Variants in ZNF670 observed in about 807,000 individuals in gnomAD.
The protein encoded by ZNF670 is zinc finger protein 670.
ZNF670 carries 7 observed loss-of-function variants against 10.9 expected under a neutral mutation model. The observed-to-expected ratio is 0.64, with a 90% CI of 0.36 to 1.20. ZNF670 has a LOEUF of 1.20. Ranked by LOEUF, ZNF670 falls within the 50% of genes most tolerant of loss-of-function variation. The pLI is 0.02. For synonymous variants in ZNF670, 136 were observed against 152.7 expected, an observed-to-expected ratio of 0.89 and a Z score of 0.81; for missense variants, 446 against 458.6, an observed-to-expected ratio of 0.97 and a Z score of 0.25.
chr1:247,049,884 A>AGT (rs773319508), intron 1 of ZNF670, among the ~76,000 whole-genome samples: 1 of 152,154 alleles, frequency 6.6e-6, no homozygotes, highest in Non-Finnish European at 1.5e-5. Context: ...GTGGTCTAAG[A>AGT]GTGTACTTGA....
At chr1:247,051,604 T>C (rs1410105454) in intron 1 of ZNF670, among the ~76,000 whole-genome samples, 1 of 152,204 alleles carries the variant, frequency 6.6e-6, no homozygotes, top group East Asian at 1.9e-4. Context: ...GATTATCTTT[T>C]TGTGATACAT....
intron 1 of ZNF670, among the ~76,000 whole-genome samples, chr1:247,073,661 A>G (rs1671188788): frequency 6.6e-6 from 1 of 152,188 alleles, no homozygotes; most frequent in Non-Finnish European, 1.5e-5. Context: ...TTTGCTGAAC[A>G]CCAACCAATT....
Position 247,078,750 on chromosome 1 carries a change from C to A in ZNF670, c.-154G>T. 1.3e-6 allele frequency: 1 copy of A among 793,732 alleles called. No individual in the cohort carries two copies. The highest frequency in any genetic ancestry group is 2.0e-6 in the Non-Finnish European group (1 of 500,252). The allele number at this position is 793,732 out of a possible 1,614,324, so 49.2% of individuals were successfully genotyped here. On this transcript the variant is annotated 5_prime_UTR_variant, in exon 1 of 4. Coordinates refer to ENST00000366503, the MANE Select transcript of ZNF670 (RefSeq NM_033213.5). Reference sequence around the variant, plus strand: ...CCGAGCTCGCCACATTCGCGCTGCCCAACACAAAAGCCGCGCCAGGTCCCG... The same window carrying A: ...CCGAGCTCGCCACATTCGCGCTGCCAAACACAAAAGCCGCGCCAGGTCCCG...
At chr1:247,074,792 T>A (rs1671215465) in intron 1 of ZNF670, among the ~76,000 whole-genome samples, 1 of 150,352 alleles carries the variant, frequency 6.7e-6, no homozygotes, top group Non-Finnish European at 1.5e-5. Context: ...GTGGTAATGT[T>A]CACTCACCTG....
Position 247,037,274 on chromosome 1 carries a change from T to C in ZNF670, c.*175A>G, listed in dbSNP as rs1962278. 0.025 allele frequency: 17,911 copies of C among 710,300 alleles called. 299 individuals are homozygous for C. The highest frequency in any genetic ancestry group is 0.03 in the Non-Finnish European group (14,107 of 477,730). 44.0% of individuals were successfully genotyped at this position (710,300 alleles called of 1,614,324 possible). A position where few individuals can be genotyped will look rare whatever the true frequency, so the allele number is the denominator to read the frequency against. Reference sequence around the variant, plus strand: ...GACGTTCTTTCCCAGGACGGGTCCTTCTAAGTTTTAGAAGGGAACTAGGAA... The same window carrying C: ...GACGTTCTTTCCCAGGACGGGTCCTCCTAAGTTTTAGAAGGGAACTAGGAA... On this transcript the variant is annotated 3_prime_UTR_variant, in exon 4 of 4. Transcript: ENST00000366503.
chr1:247,045,391 T>C (rs914714238), intron 1 of ZNF670, among the ~76,000 whole-genome samples: 42 of 152,136 alleles, frequency 2.8e-4, no homozygotes, highest in Admixed American at 2.6e-3. Flanking sequence ...CATAAATGAC[T>C]CAGTGCTGTC....
At chr1:247,043,864 G>GATGCCATTTTCACTA (rs1670377146) in intron 1 of ZNF670, 1 of 331,606 alleles carries the variant, frequency 3.0e-6, no homozygotes, top group Non-Finnish European at 5.8e-6. Context: ...CACTAATGAA[G>GATGCCATTTTCACTA]AGGAAAAAAG....
chr1:247,077,415 A>C (rs768237795), intron 1 of ZNF670, among the ~76,000 whole-genome samples: 6 of 152,238 alleles, frequency 3.9e-5, no homozygotes, highest in Non-Finnish European at 5.9e-5. Flanking sequence ...ATCACCCTCT[A>C]AAGTTTCCAA....
chr1:247,050,001 A>G (rs571739376), intron 1 of ZNF670, among the ~76,000 whole-genome samples: 76 of 152,294 alleles, frequency 5.0e-4, no homozygotes, highest in Non-Finnish European at 8.2e-4. Context: ...ATACACTGCA[A>G]TTGTTGAGTA....
chr1:247,038,571 A>ATCTTAC, intron 3 of ZNF670, 144 bp from the exon 4 acceptor site: 1 of 839,042 alleles, frequency 1.2e-6, no homozygotes. Flanking sequence ...GGTCCCCCAT[A>ATCTTAC]GCTATTATCA....
chr1:247,049,206 C>T (rs1431559680), intron 1 of ZNF670, among the ~76,000 whole-genome samples: 8 of 151,230 alleles, frequency 5.3e-5, no homozygotes, highest in African/African-American at 1.9e-4. Context: ...TAAGTGATTC[C>T]CCTGCCTCAG....
rs927735921 is a variant in ZNF670 at position 247,053,508 on chromosome 1, C to T, written c.4-13971G>A. On this transcript the variant is annotated intron_variant, in intron 1 of 3. Transcript: ENST00000366503. The stretch of plus-strand genomic sequence containing the variant: ...AAAATTAGCCGGGCATGGTGGCAGG[C>T]GCCTGTAGTCCCAGCTACTCAGGAC... 5.9e-5 allele frequency among the ~76,000 whole-genome samples: 9 copies of T among 152,054 alleles called. 1 individual carries two copies. Among genetic ancestry groups the T allele is most frequent in the South Asian group, 2.1e-4 (1 of 4,814 alleles).
intron 1 of ZNF670, among the ~76,000 whole-genome samples, chr1:247,045,400 T>C (rs967680512): frequency 8.5e-5 from 13 of 152,158 alleles, no homozygotes; most frequent in Admixed American, 6.5e-4. Context: ...CTCAGTGCTG[T>C]CCTTGAAGTA....
Position 247,038,317 on chromosome 1 carries a change from T to G in ZNF670, c.302A>C (p.Lys101Thr). The change falls in exon 4 of 4, where the codon AAG becomes ACG. Residue 101 changes from lysine (K) to threonine (T), a missense_variant. Transcript: ENST00000366503. ...NLNKKVSTGV[K>T]PCECSVCGKV... ...TCCACACACACTGCATTCACATGGC[T>G]TTACTCCAGTAGAAACTTTCTTATT... is the stretch of plus-strand genomic sequence containing the variant. 1 of 1,614,218 alleles carries G rather than the reference T, an allele frequency of 6.2e-7. No homozygotes were observed. The highest frequency in any genetic ancestry group is 8.5e-7 in the Non-Finnish European group (1 of 1,180,022).
chr1:247,041,183 T>G (rs1010660508), intron 1 of ZNF670, among the ~76,000 whole-genome samples: 1 of 152,108 alleles, frequency 6.6e-6, no homozygotes, highest in Admixed American at 6.6e-5. Context: ...TAAAATACGT[T>G]CAGACTTCGA....
intron 1 of ZNF670, among the ~76,000 whole-genome samples, chr1:247,066,937 A>G (rs1670993710): frequency 6.6e-6 from 1 of 152,172 alleles, no homozygotes; most frequent in Admixed American, 6.5e-5. Flanking sequence ...TATGACCTGG[A>G]AGCCCCCACT....
intron 1 of ZNF670, among the ~76,000 whole-genome samples, chr1:247,072,838 A>G (rs1572574473): frequency 9.5e-6 from 1 of 105,614 alleles, no homozygotes; most frequent in Non-Finnish European, 1.8e-5. Flanking sequence ...ATATATATAT[A>G]TGCATACACA....
chr1:247,072,148 C>T (rs1312945118), intron 1 of ZNF670, among the ~76,000 whole-genome samples: 5 of 149,968 alleles, frequency 3.3e-5, no homozygotes, highest in East Asian at 2.0e-4. Context: ...TCAGCCACTG[C>T]GCCCAGCCAC....
At chr1:247,077,852 G>C (rs965461545) in intron 1 of ZNF670, among the ~76,000 whole-genome samples, 2 of 152,144 alleles carry the variant, frequency 1.3e-5, no homozygotes, top group Non-Finnish European at 2.9e-5. Flanking sequence ...GAGGTGGGGG[G>C]ATCGCTTGAG....
Sources: gnomAD v4.1 joint callset for allele counts (sites outside exome capture counted in the v4.1 genomes callset) on GRCh38, gnomAD v4.1.1 for gene constraint, MANE v1.5 for transcripts, NCBI Gene and HGNC (gene_info 2026-07-23, HGNC 2026-07-21) for gene names.